EYA2: variants seen among roughly 807,000 people sequenced by gnomAD.
EYA2 encodes the protein EYA transcriptional coactivator and phosphatase 2.
A neutral mutation model predicts 69.2 loss-of-function variants in EYA2; 31 were observed. The observed-to-expected ratio is 0.45, with a 90% CI of 0.34 to 0.60. The LOEUF is 0.60. EYA2 is among the 20% of genes least tolerant of loss of function. The pLI is 0.02. For missense variants in EYA2, 622 were observed against 701.2 expected (o/e 0.89, Z 1.28); for synonymous variants, 257 against 279.4 (o/e 0.92, Z 0.80).
intron 1 of EYA2, among the ~76,000 whole-genome samples, chr20:46,960,340 T>C (rs918452978): frequency 1.8e-4 from 27 of 152,282 alleles, no homozygotes; most frequent in African/African-American, 5.5e-4. Flanking sequence ...CAGGATTTGA[T>C]CTCAGGACTG....
intron 9 of EYA2, among the ~76,000 whole-genome samples, chr20:47,120,092 C>T (rs2033005943): frequency 6.6e-6 from 1 of 152,160 alleles, no homozygotes; most frequent in Non-Finnish European, 1.5e-5. Context: ...CCTGTAGACC[C>T]AGCTACTCAG....
chr20:47,038,573 C>A (rs1403978718), intron 5 of EYA2, among the ~76,000 whole-genome samples: 1 of 152,108 alleles, frequency 6.6e-6, no homozygotes, highest in Admixed American at 6.5e-5. Flanking sequence ...GCAGAGGAAA[C>A]CCTGAGGGGT....
intron 1 of EYA2, among the ~76,000 whole-genome samples, chr20:46,987,916 G>GACGCTCTCTCCC (rs56288405): frequency 4.9e-5 from 1 of 20,352 alleles, no homozygotes; most frequent in Non-Finnish European, 9.6e-5. Flanking sequence ...GACAGAGTAA[G>GACGCTCTCTCCC]TCTCTCTCTC....
At chr20:47,088,449 T>A (rs994375705) in intron 7 of EYA2, among the ~76,000 whole-genome samples, 5 of 152,144 alleles carry the variant, frequency 3.3e-5, no homozygotes, top group Admixed American at 1.3e-4. Context: ...TTGAGAGAGT[T>A]GTAAATGCAT....
chr20:47,054,817 T>A (rs2030525937), intron 5 of EYA2, among the ~76,000 whole-genome samples: 1 of 152,198 alleles, frequency 6.6e-6, no homozygotes, highest in Admixed American at 6.5e-5. Flanking sequence ...TTGATTCAGT[T>A]TGGACTCTCG....
chr20:46,993,480 C>T (rs964641473), intron 2 of EYA2, among the ~76,000 whole-genome samples: 1 of 152,222 alleles, frequency 6.6e-6, no homozygotes, highest in Non-Finnish European at 1.5e-5. Context: ...AGGACCAGCC[C>T]TCCCTCAGTT....
At chr20:47,142,979 G>T (rs1425691073) in intron 9 of EYA2, 80 bp from the exon 10 acceptor site, 3 of 1,328,390 alleles carry the variant, frequency 2.3e-6, no homozygotes, top group Non-Finnish European at 3.2e-6. Flanking sequence ...CTGCTTTTCG[G>T]CAGTGGAATG....
At chr20:46,995,102 T>C (rs919906613) in intron 2 of EYA2, among the ~76,000 whole-genome samples, 6 of 152,128 alleles carry the variant, frequency 3.9e-5, no homozygotes, top group Non-Finnish European at 2.9e-5. Flanking sequence ...GGTTTCACCA[T>C]GTTGGCCAGG....
At chr20:47,112,096 G>A (rs1171494854) in intron 9 of EYA2, among the ~76,000 whole-genome samples, 1 of 152,156 alleles carries the variant, frequency 6.6e-6, no homozygotes, top group Non-Finnish European at 1.5e-5. Context: ...AGCCGAGGTG[G>A]CACCACTGCA....
At chr20:47,115,652 G>A (rs148659123) in intron 9 of EYA2, among the ~76,000 whole-genome samples, 1 of 151,920 alleles carries the variant, frequency 6.6e-6, no homozygotes, top group African/African-American at 2.4e-5. Flanking sequence ...CCCTCTCCAC[G>A]GGTCTGGACA....
At chr20:47,107,712 G>GGAAGAA (rs368721999) in intron 9 of EYA2, among the ~76,000 whole-genome samples, 13 of 141,378 alleles carry the variant, frequency 9.2e-5, no homozygotes, top group African/African-American at 3.2e-4. Context: ...AAGAGAAGAA[G>GGAAGAA]GAAGAAGAAG....
intron 10 of EYA2, among the ~76,000 whole-genome samples, chr20:47,148,268 T>C (rs2033748836): frequency 6.6e-6 from 1 of 152,020 alleles, no homozygotes; most frequent in Admixed American, 6.6e-5. Flanking sequence ...ATCTGTTAAA[T>C]GGGTGGAAGA....
At chr20:47,164,053 G>A (rs1568819479) in intron 10 of EYA2, among the ~76,000 whole-genome samples, 1 of 152,090 alleles carries the variant, frequency 6.6e-6, no homozygotes, top group Non-Finnish European at 1.5e-5. Context: ...GAGACCAGAA[G>A]CACCCTGCAG....
intron 5 of EYA2, among the ~76,000 whole-genome samples, chr20:47,063,141 T>C (rs6094576): frequency 2.6e-5 from 4 of 152,192 alleles, no homozygotes; most frequent in African/African-American, 9.7e-5. Flanking sequence ...CACAGTGTTA[T>C]GCAGTCACCA....
intron 1 of EYA2, among the ~76,000 whole-genome samples, chr20:46,919,987 T>C (rs530374616): frequency 1.3e-5 from 2 of 152,284 alleles, no homozygotes; most frequent in East Asian, 3.9e-4. Flanking sequence ...GGGGAACAGT[T>C]GGTTGAGGTC....
At chr20:46,955,817 A>G (rs953479532) in intron 1 of EYA2, among the ~76,000 whole-genome samples, 4 of 152,176 alleles carry the variant, frequency 2.6e-5, no homozygotes, top group African/African-American at 2.4e-5. Context: ...AATCTTTCCT[A>G]TGTTGATCAC....
At chr20:47,126,218 G>A (rs572613761) in intron 9 of EYA2, among the ~76,000 whole-genome samples, 4 of 152,328 alleles carry the variant, frequency 2.6e-5, no homozygotes, top group Admixed American at 1.3e-4. Flanking sequence ...TTCCCTTCGC[G>A]TGGCACCTGA....
chr20:46,949,165 A>G (rs1240462813), intron 1 of EYA2, among the ~76,000 whole-genome samples: 1 of 152,188 alleles, frequency 6.6e-6, no homozygotes, highest in Non-Finnish European at 1.5e-5. Context: ...ACCACATACC[A>G]AGACCTACTC....
chr20:47,150,463 C>G (rs1600746142), intron 10 of EYA2, among the ~76,000 whole-genome samples: 2 of 150,566 alleles, frequency 1.3e-5, no homozygotes, highest in East Asian at 4.6e-4. Flanking sequence ...GGCACAGCGG[C>G]TTCCTTTTCC....
Sources: allele counts gnomAD v4.1 joint callset (sites outside exome capture counted in the v4.1 genomes callset), GRCh38; gene constraint gnomAD v4.1.1; transcripts MANE v1.5; gene names NCBI Gene and HGNC (gene_info 2026-07-23, HGNC 2026-07-21).